PLCH1: variants seen among roughly 807,000 people sequenced by gnomAD.
PLCH1 encodes the protein 1-phosphatidylinositol 4,5-bisphosphate phosphodiesterase eta-1.
In PLCH1, 60 loss-of-function variants were observed where a neutral mutation model predicts 126.7. The observed-to-expected ratio is 0.47, with a 90% CI of 0.38 to 0.59. The LOEUF (loss-of-function observed/expected upper bound fraction) is 0.59, where lower values mean the gene tolerates loss of function less well. PLCH1 is among the 20% of genes least tolerant of loss of function. The probability of loss-of-function intolerance (pLI) is 0.00; values close to 1 mark genes in which losing one functional copy is unlikely to be tolerated. For synonymous variants in PLCH1, 719 were observed against 734.9 expected (o/e 0.98, Z 0.35); for missense variants, 1,723 against 2,040.0 (o/e 0.84, Z 2.99).
intron 6 of PLCH1, among the ~76,000 whole-genome samples, chr3:155,574,197 A>G (rs1729628534): frequency 6.6e-6 from 1 of 152,070 alleles, no homozygotes; most frequent in Non-Finnish European, 1.5e-5. Flanking sequence ...TTACAGGAGT[A>G]AGCCACCATA....
At chr3:155,710,921 A>T (rs1198235923) in intron 1 of PLCH1, among the ~76,000 whole-genome samples, 1 of 151,548 alleles carries the variant, frequency 6.6e-6, no homozygotes, top group Non-Finnish European at 1.5e-5. Context: ...AAAAATGTTC[A>T]ATGTGATATT....
intron 6 of PLCH1, among the ~76,000 whole-genome samples, chr3:155,572,813 A>G (rs1729398607): frequency 6.6e-6 from 1 of 152,064 alleles, no homozygotes; most frequent in Non-Finnish European, 1.5e-5. Context: ...GCAGCCTCCA[A>G]ATCCTGGAAT....
chr3:155,618,473 G>T lies in PLCH1; in HGVS notation c.80-22095C>A, dbSNP rs549987747. ...TAAGACGTTTTGAGTTTAACGTCTG[G>T]ATAGACTGTTAAAGAATGGAGCTCT... On this transcript the variant is annotated intron_variant, in intron 2 of 22. Coordinates refer to ENST00000460012, the MANE Select transcript of PLCH1 (RefSeq NM_014996.4). Among the ~76,000 whole-genome samples, 346 of 152,228 alleles carry T rather than the reference G, an allele frequency of 2.3e-3. 1 individual carries two copies. Among genetic ancestry groups the T allele is most frequent in the African/African-American group, 7.8e-3 (326 of 41,542 alleles).
At chr3:155,622,322 C>A (rs1363823860) in intron 2 of PLCH1, among the ~76,000 whole-genome samples, 6 of 152,130 alleles carry the variant, frequency 3.9e-5, no homozygotes, top group African/African-American at 1.4e-4. Flanking sequence ...ACATGGTAAA[C>A]ACCATCAACA....
At position 155,483,115 on chromosome 3, in the gene PLCH1, A is replaced by T. The variant is rs1011088979; in HGVS notation, c.2975-64T>A. On this transcript the variant is annotated intron_variant, in intron 22 of 22. Transcript: ENST00000460012. ...CTTTATGTAGGACCTGCAAACACTC[A>T]TGTTGTCTTCGGACAGACAAATGGA... The T allele has an allele frequency of 4.3e-6, 6 of 1,395,810 alleles. No individual in the cohort carries two copies. In the African/African-American group the frequency reaches 5.7e-5, roughly 13 times the overall value. The allele number at this position is 1,395,810 out of a possible 1,614,324, so 86.5% of individuals were successfully genotyped here. A position where few individuals can be genotyped will look rare whatever the true frequency, so the allele number is the denominator to read the frequency against.
chr3:155,593,189 A>T (rs1195957436), intron 4 of PLCH1, among the ~76,000 whole-genome samples: 8 of 152,174 alleles, frequency 5.3e-5, no homozygotes, highest in African/African-American at 1.9e-4. Context: ...GAATCAAGGG[A>T]GTCAACTAGC....
chr3:155,499,462 A>C (rs1289186417), intron 14 of PLCH1, among the ~76,000 whole-genome samples: 1 of 152,238 alleles, frequency 6.6e-6, no homozygotes, highest in Non-Finnish European at 1.5e-5. Flanking sequence ...ACTCTAAGAC[A>C]TTCCGTGATA....
intron 10 of PLCH1, among the ~76,000 whole-genome samples, chr3:155,537,202 C>CAAAAAAAAAAAAAAAAAAAAAAAAAAAAA (rs535908017): frequency 1.9e-4 from 2 of 10,450 alleles, no homozygotes; most frequent in Non-Finnish European, 4.0e-4. Flanking sequence ...AAAAAAAAAC[C>CAAAAAAAAAAAAAAAAAAAAAAAAAAAAA]AAAAAAAAAA....
chr3:155,724,762 G>A (rs1026617885), intron 1 of PLCH1, among the ~76,000 whole-genome samples: 8 of 150,928 alleles, frequency 5.3e-5, no homozygotes, highest in African/African-American at 1.5e-4. Context: ...TGAGATGTGA[G>A]GTACTATTCT....
chr3:155,517,591 T>C (rs1039584636), intron 11 of PLCH1, among the ~76,000 whole-genome samples: 1 of 152,164 alleles, frequency 6.6e-6, no homozygotes, highest in Non-Finnish European at 1.5e-5. Context: ...GTCTCACCCA[T>C]CTGTTTGTGT....
intron 21 of PLCH1, among the ~76,000 whole-genome samples, chr3:155,456,212 C>T (rs1301919896): frequency 6.6e-6 from 1 of 152,058 alleles, no homozygotes; most frequent in African/African-American, 2.4e-5. Flanking sequence ...CCGTATCCTC[C>T]TCTTCTGATC....
intron 2 of PLCH1, among the ~76,000 whole-genome samples, chr3:155,648,241 G>A (rs1740282796): frequency 6.6e-6 from 1 of 152,180 alleles, no homozygotes; most frequent in Admixed American, 6.5e-5. Context: ...ATTTCCTGAT[G>A]TCCAGCTTCA....
chr3:155,651,580 T>C (rs1237319447), intron 2 of PLCH1, among the ~76,000 whole-genome samples: 1 of 152,188 alleles, frequency 6.6e-6, no homozygotes, highest in Non-Finnish European at 1.5e-5. Context: ...ATTACAATTT[T>C]TAAAAACTAG....
rs1483805184 is a variant in PLCH1, at chr3:155,522,964, G to T, written c.1470+933C>A. ...CTAAATGATGCTTTTCTTTTTTTGCGGGGGGGGTGGGGTGTGGGGTTGGAG... is the reference window on the plus strand; with the variant it reads ...CTAAATGATGCTTTTCTTTTTTTGCTGGGGGGGTGGGGTGTGGGGTTGGAG... On this transcript the variant is annotated intron_variant, in intron 11 of 22. Transcript: ENST00000460012. Among the ~76,000 whole-genome samples the T allele has an allele frequency of 4.8e-5, 6 of 124,940 alleles. No individual in the cohort carries two copies. The East Asian group carries it at 6.0e-4, about 12-fold the overall frequency. The allele number at this position is 124,940 out of a possible 152,430, so 82.0% of individuals were successfully genotyped here.
intron 2 of PLCH1, among the ~76,000 whole-genome samples, chr3:155,684,311 G>A (rs577009977): frequency 7.9e-5 from 12 of 152,224 alleles, no homozygotes; most frequent in Non-Finnish European, 1.3e-4. Context: ...CTAGATTATT[G>A]AACACAACAG....
chr3:155,524,609 G>A (rs1444920080), intron 10 of PLCH1, among the ~76,000 whole-genome samples: 17 of 152,138 alleles, frequency 1.1e-4, no homozygotes, highest in Non-Finnish European at 2.2e-4. Flanking sequence ...GGCAAAATAA[G>A]GGGGAGTGGA....
chr3:155,542,409 C>A (rs1404980455), intron 10 of PLCH1, among the ~76,000 whole-genome samples: 1 of 152,230 alleles, frequency 6.6e-6, no homozygotes, highest in Non-Finnish European at 1.5e-5. Context: ...GAGCCCACCA[C>A]AGCTTAAGAA....
Position 155,722,241 on chromosome 3 carries a change from G to A in PLCH1, c.-40-17977C>T, listed in dbSNP as rs149648686. Among the ~76,000 whole-genome samples the A allele has an allele frequency of 2.5e-3, 384 of 151,796 alleles. 8 individuals carry two copies. The East Asian group carries it at 0.056, about 22-fold the overall frequency. ...TGCAATGACGTGATCTCGGCTCACC[G>A]CAACCTCTGCCTCCCGGGTTCAAGC... On this transcript the variant is annotated intron_variant, in intron 1 of 22. Transcript: ENST00000460012.
At chr3:155,522,439 G>A (rs1267851620) in intron 11 of PLCH1, among the ~76,000 whole-genome samples, 4 of 152,152 alleles carry the variant, frequency 2.6e-5, no homozygotes, top group Non-Finnish European at 5.9e-5. Flanking sequence ...AAAGGCAAGA[G>A]AAGAATACAG....
Sources: gnomAD v4.1 joint callset for allele counts (sites outside exome capture counted in the v4.1 genomes callset) on GRCh38, gnomAD v4.1.1 for gene constraint, MANE v1.5 for transcripts, NCBI Gene and HGNC (gene_info 2026-07-23, HGNC 2026-07-21) for gene names.